GRID1: variants seen among roughly 807,000 people sequenced by gnomAD.
The protein encoded by GRID1 is glutamate receptor ionotropic, delta-1.
Under a neutral mutation model 98.0 loss-of-function variants are expected in GRID1, and 28 were observed. The observed-to-expected ratio is 0.29, with a 90% confidence interval of 0.21 to 0.39. The LOEUF (loss-of-function observed/expected upper bound fraction) is 0.39, where lower values mean the gene tolerates loss of function less well. GRID1 is among the 10% of genes least tolerant of loss of function. GRID1 has a pLI of 1.00. For missense variants in GRID1, 1,111 were observed against 1,340.5 expected (o/e 0.83, Z 2.67); for synonymous variants, 553 against 538.5 (o/e 1.03, Z -0.37).
intron 2 of GRID1, among the ~76,000 whole-genome samples, chr10:86,232,378 T>C (rs907123284): frequency 6.6e-6 from 1 of 152,214 alleles, no homozygotes; most frequent in Non-Finnish European, 1.5e-5. Context: ...TTCCAGTCTC[T>C]ATAATGGGGA....
chr10:85,681,589 C>T (rs556549311), intron 12 of GRID1, among the ~76,000 whole-genome samples: 18 of 152,078 alleles, frequency 1.2e-4, no homozygotes, highest in African/African-American at 4.3e-4. Flanking sequence ...TGCCTCTTAA[C>T]CTGGAATGCT....
At chr10:86,130,564 G>A (rs1175328044) in intron 4 of GRID1, among the ~76,000 whole-genome samples, 1 of 152,176 alleles carries the variant, frequency 6.6e-6, no homozygotes, top group Admixed American at 6.5e-5. Context: ...AGTTCGGTTG[G>A]AGACAGTCAG....
intron 2 of GRID1, among the ~76,000 whole-genome samples, chr10:86,326,391 G>C (rs1178855370): frequency 6.6e-6 from 1 of 152,188 alleles, no homozygotes; most frequent in African/African-American, 2.4e-5. Context: ...AGTAGCTAGT[G>C]TCTACTCACA....
chr10:85,738,353 T>A lies in GRID1; in HGVS notation c.1234-8739A>T, dbSNP rs575773243. Among the ~76,000 whole-genome samples, 27 of 152,288 alleles carry A rather than the reference T, an allele frequency of 1.8e-4. No individual in the cohort carries two copies. The South Asian group carries it at 5.6e-3, about 32-fold the overall frequency. ...CACAAGGCAGTACACTAAACCTCACTAGAATGGCTAAAATCAAAGACTGAT... is the reference window on the plus strand; with the variant it reads ...CACAAGGCAGTACACTAAACCTCACAAGAATGGCTAAAATCAAAGACTGAT... On this transcript the variant is annotated intron_variant, in intron 8 of 15. Coordinates refer to ENST00000327946, the MANE Select transcript of GRID1 (RefSeq NM_017551.3).
chr10:85,775,426 T>C (rs540239487), intron 8 of GRID1, among the ~76,000 whole-genome samples: 2 of 152,134 alleles, frequency 1.3e-5, no homozygotes, highest in South Asian at 2.1e-4. Flanking sequence ...TGTATACATA[T>C]GTAACTAACC....
Position 86,206,492 on chromosome 10 carries a change from T to C in GRID1, c.392A>G (p.Asn131Ser). The C allele has an allele frequency of 1.9e-6, 3 of 1,613,906 alleles. No individual in the cohort carries two copies. The highest frequency in any genetic ancestry group is 2.5e-6 in the Non-Finnish European group (3 of 1,179,996). Residue 131 changes from asparagine to serine, a missense_variant, in exon 3 of 16, where the codon AAC becomes AGC. By Grantham distance (46) the Asn-to-Ser change is conservative. Coordinates refer to ENST00000327946, the MANE Select transcript of GRID1 (RefSeq NM_017551.3). The surrounding 1 kb of genome is among the most constrained non-coding windows in gnomAD (Gnocchi z 4.1). ...GTAGGCCTCACCATCGGGGCTGGGGTTCAGGTGGCATGCGGTGCGTGGCGA... is the reference window on the plus strand; with the variant it reads ...GTAGGCCTCACCATCGGGGCTGGGGCTCAGGTGGCATGCGGTGCGTGGCGA... ...GGSPRTACHLNPSPDGEAYTL... is the reference protein window; with the variant it reads ...GGSPRTACHLSPSPDGEAYTL...
intron 4 of GRID1, among the ~76,000 whole-genome samples, chr10:86,027,726 A>G (rs1293240618): frequency 6.6e-6 from 1 of 152,182 alleles, no homozygotes; most frequent in African/African-American, 2.4e-5. Flanking sequence ...GCTTCCAGTC[A>G]CATACATTGT....
At chr10:85,602,811 G>A in intron 15 of GRID1, 110 bp from the exon 16 acceptor site, 3 of 734,436 alleles carry the variant, frequency 4.1e-6, no homozygotes, top group South Asian at 1.9e-5. Context: ...CTGTTGGGCT[G>A]TGGGCGAGTA....
At chr10:85,742,218 G>A (rs1007311588) in intron 8 of GRID1, among the ~76,000 whole-genome samples, 10 of 152,076 alleles carry the variant, frequency 6.6e-5, no homozygotes, top group Non-Finnish European at 1.3e-4. Flanking sequence ...ATAAATTAAA[G>A]AACTAGTTGA....
chr10:86,306,557 G>T (rs1847761272), intron 2 of GRID1, among the ~76,000 whole-genome samples: 1 of 152,214 alleles, frequency 6.6e-6, no homozygotes. Flanking sequence ...TCAAGATGAA[G>T]GCCTCCTATA....
chr10:85,811,671 A>G (rs567978186), intron 8 of GRID1, among the ~76,000 whole-genome samples: 152 of 152,322 alleles, frequency 1.0e-3, no homozygotes, highest in Middle Eastern at 3.4e-3. Flanking sequence ...AAAAAAGAGA[A>G]AGAACAAATA....
chr10:86,072,170 A>T (rs1356751425), intron 4 of GRID1, among the ~76,000 whole-genome samples: 1 of 152,186 alleles, frequency 6.6e-6, no homozygotes, highest in Non-Finnish European at 1.5e-5. Context: ...GCAGAGGAAC[A>T]AGGTAAGTTT....
At chr10:86,041,995 G>C (rs764399780) in intron 4 of GRID1, among the ~76,000 whole-genome samples, 1 of 152,120 alleles carries the variant, frequency 6.6e-6, no homozygotes, top group Non-Finnish European at 1.5e-5. Context: ...ATTTATTTAA[G>C]GGGACCAATC....
chr10:85,748,118 C>T (rs970825108), intron 8 of GRID1, among the ~76,000 whole-genome samples: 8 of 151,734 alleles, frequency 5.3e-5, no homozygotes, highest in African/African-American at 1.7e-4. Flanking sequence ...AGGTCGGCAG[C>T]CAAGAGTGTC....
chr10:85,817,103 T>C (rs1842722887), intron 8 of GRID1, among the ~76,000 whole-genome samples: 1 of 152,228 alleles, frequency 6.6e-6, no homozygotes, highest in African/African-American at 2.4e-5. Context: ...CAGTCTGCCA[T>C]TGATGGGCAT....
intron 8 of GRID1, among the ~76,000 whole-genome samples, chr10:85,823,713 AAC>A (rs1417035204): frequency 1.3e-5 from 2 of 152,172 alleles, no homozygotes; most frequent in Non-Finnish European, 2.9e-5. Flanking sequence ...AAAACTTTAA[AAC>A]AGTCAGGGGA....
intron 4 of GRID1, among the ~76,000 whole-genome samples, chr10:85,991,994 AG>A (rs1263006043): frequency 6.6e-6 from 1 of 152,132 alleles, no homozygotes; most frequent in Non-Finnish European, 1.5e-5. Context: ...AAAATCCTAG[AG>A]GGGAAATTGG....
chr10:85,781,470 T>C (rs1842380528), intron 8 of GRID1, among the ~76,000 whole-genome samples: 1 of 152,234 alleles, frequency 6.6e-6, no homozygotes, highest in African/African-American at 2.4e-5. Flanking sequence ...TCTACTTTTG[T>C]AAAATACAAC....
chr10:86,144,532 G>A (rs1319277450), intron 3 of GRID1, among the ~76,000 whole-genome samples: 1 of 152,058 alleles, frequency 6.6e-6, no homozygotes, highest in Non-Finnish European at 1.5e-5. Context: ...GGTACATCCC[G>A]GCCGCTCGCC....
Sources: allele counts gnomAD v4.1 joint callset (sites outside exome capture counted in the v4.1 genomes callset), GRCh38; gene constraint gnomAD v4.1.1; non-coding constraint Gnocchi (gnomAD v3.1); transcripts MANE v1.5; gene names NCBI Gene and HGNC (gene_info 2026-07-23, HGNC 2026-07-21).